Variants in XKR9 observed in about 807,000 individuals in gnomAD.
XKR9 encodes XK related 9, also known as XK-related protein 9.
Under a neutral mutation model 32.0 loss-of-function variants are expected in XKR9, and 32 were observed. The observed-to-expected ratio is 1.00, with a 90% confidence interval of 0.76 to 1.34. XKR9 has a LOEUF of 1.34. Among genes scored for constraint, XKR9 ranks in the 40% most tolerant of loss-of-function variants. XKR9 has a pLI of 0.00. For synonymous variants in XKR9, 168 were observed against 143.4 expected (o/e 1.17, Z -1.22); for missense variants, 546 against 429.7 (o/e 1.27, Z -2.39).
the XKR9 span, among the ~76,000 whole-genome samples, chr8:70,942,022 A>G: frequency 2.0e-5 from 3 of 152,234 alleles, no homozygotes; most frequent in East Asian, 5.8e-4. Flanking sequence ...CACCTAGATA[A>G]GAAGCTATAT....
At chr8:70,726,543 T>C (rs987456517) in intron 4 of XKR9, among the ~76,000 whole-genome samples, 16 of 152,156 alleles carry the variant, frequency 1.1e-4, no homozygotes, top group South Asian at 2.1e-4. Context: ...TTTAAACAAA[T>C]GGTATTAAGA....
At chr8:70,858,363 A>G in the XKR9 span, among the ~76,000 whole-genome samples, 1 of 152,210 alleles carries the variant, frequency 6.6e-6, no homozygotes. Context: ...ACTCCCATTC[A>G]CAATTGCTTC....
the XKR9 span, among the ~76,000 whole-genome samples, chr8:70,938,659 A>C: frequency 6.6e-6 from 1 of 152,106 alleles, no homozygotes; most frequent in Non-Finnish European, 1.5e-5. Flanking sequence ...ATAGACAGAG[A>C]ATCAGCAGGT....
chr8:70,776,961 A>ATATATATATATATATATG (rs796746390), intron 2 of XKR9, among the ~76,000 whole-genome samples: 29 of 88,076 alleles, frequency 3.3e-4, no homozygotes, highest in Non-Finnish European at 5.9e-4. Context: ...ATATATATAT[A>ATATATATATATATATATG]TATGTATGTA....
At position 70,680,904 on chromosome 8, in the gene XKR9, C is replaced by A; in HGVS notation, c.-155C>A. The A allele has an allele frequency of 1.5e-6, 1 of 652,270 alleles. No individual in the cohort carries two copies. The allele number at this position is 652,270 out of a possible 1,614,324, so 40.4% of individuals were successfully genotyped here. ...TTAGTCACTTTAGTGTTAGTGTTCC[C>A]ATTTCATAATATTTATTCTTTCTTC... On this transcript the variant is annotated 5_prime_UTR_variant, in exon 3 of 5. Coordinates refer to ENST00000408926, the MANE Select transcript of XKR9 (RefSeq NM_001011720.2).
the XKR9 span, among the ~76,000 whole-genome samples, chr8:70,988,137 A>G: frequency 4.6e-5 from 7 of 152,134 alleles, no homozygotes; most frequent in Non-Finnish European, 5.9e-5. Context: ...CTGCCACGCT[A>G]TAATGAGAGG....
chr8:70,695,971 A>G (rs903028622), intron 3 of XKR9, among the ~76,000 whole-genome samples: 2 of 151,610 alleles, frequency 1.3e-5, no homozygotes, highest in African/African-American at 2.4e-5. Flanking sequence ...TTGCATAAAT[A>G]AATGTCTTCT....
At chr8:70,878,600 G>T in the XKR9 span, among the ~76,000 whole-genome samples, 1 of 152,134 alleles carries the variant, frequency 6.6e-6, no homozygotes, top group South Asian at 2.1e-4. Flanking sequence ...AACAAGAAGA[G>T]CTAACTATCC....
At chr8:70,844,625 A>T in the XKR9 span, among the ~76,000 whole-genome samples, 1 of 152,114 alleles carries the variant, frequency 6.6e-6, no homozygotes. Context: ...TACTTCTCTC[A>T]ACAGTGCTTG....
At chr8:70,745,149 G>A (rs1286589094) in intron 2 of XKR9, among the ~76,000 whole-genome samples, 1 of 132,686 alleles carries the variant, frequency 7.5e-6, no homozygotes, top group Non-Finnish European at 1.7e-5. Flanking sequence ...TTTCTTATTG[G>A]TTTTATAGCC....
the XKR9 span, among the ~76,000 whole-genome samples, chr8:70,842,639 G>A: frequency 6.6e-6 from 1 of 151,924 alleles, no homozygotes; most frequent in Non-Finnish European, 1.5e-5. Flanking sequence ...GTTGTTCTCA[G>A]TCATTGAGAA....
chr8:70,928,088 G>C, the XKR9 span, among the ~76,000 whole-genome samples: 1 of 152,308 alleles, frequency 6.6e-6, no homozygotes, highest in African/African-American at 2.4e-5. Context: ...TGTCAACCAA[G>C]CTGGAGTGCA....
At chr8:70,727,425 G>C (rs1806509831) in intron 4 of XKR9, among the ~76,000 whole-genome samples, 2 of 151,430 alleles carry the variant, frequency 1.3e-5, no homozygotes, top group South Asian at 4.2e-4. Context: ...TTTTGAGACA[G>C]AGTCTCGCTC....
the XKR9 span, among the ~76,000 whole-genome samples, chr8:71,037,607 C>A: frequency 1.3e-3 from 202 of 152,174 alleles, no homozygotes; most frequent in Non-Finnish European, 2.2e-3. Context: ...TACCTAATTG[C>A]TAATTGAGAA....
chr8:70,718,806 A>G (rs550117246), intron 4 of XKR9, among the ~76,000 whole-genome samples: 36 of 152,296 alleles, frequency 2.4e-4, no homozygotes, highest in African/African-American at 8.7e-4. Flanking sequence ...TTATAGTAGA[A>G]TGATTTATAA....
intron 2 of XKR9, among the ~76,000 whole-genome samples, chr8:70,776,153 G>A (rs1407045524): frequency 2.0e-5 from 3 of 152,046 alleles, no homozygotes; most frequent in Non-Finnish European, 4.4e-5. Context: ...TTCTAAAAGA[G>A]TTCTTTTTAA....
intron 3 of XKR9, among the ~76,000 whole-genome samples, chr8:70,702,140 TAGAG>T (rs966346236): frequency 2.6e-5 from 4 of 152,140 alleles, no homozygotes; most frequent in Admixed American, 6.5e-5. Context: ...TAAAACGCCT[TAGAG>T]AGAGGTCATG....
chr8:70,722,980 A>G (rs371758928), intron 4 of XKR9, among the ~76,000 whole-genome samples: 1 of 151,662 alleles, frequency 6.6e-6, no homozygotes, highest in East Asian at 1.9e-4. Context: ...TATTTCTTGG[A>G]GGCTTTGTTC....
At chr8:70,706,120 T>C (rs1013003075) in intron 3 of XKR9, among the ~76,000 whole-genome samples, 2 of 152,164 alleles carry the variant, frequency 1.3e-5, no homozygotes, top group South Asian at 2.1e-4. Context: ...CTTTATTTTA[T>C]ATGTGAAGAA....
Sources: gnomAD v4.1 joint callset for allele counts (sites outside exome capture counted in the v4.1 genomes callset) on GRCh38, gnomAD v4.1.1 for gene constraint, MANE v1.5 for transcripts, NCBI Gene and HGNC (gene_info 2026-07-23, HGNC 2026-07-21) for gene names.